The following GALNT13 variants were observed in gnomAD, a reference collection of about 807,000 sequenced individuals.
The protein encoded by GALNT13 is UDP-GalNAc:polypeptide N-acetylgalactosaminyltransferase 13.
Under a neutral mutation model 64.2 loss-of-function variants are expected in GALNT13, and 28 were observed. The observed-to-expected ratio is 0.44, with a 90% CI of 0.32 to 0.60. GALNT13 has a LOEUF of 0.60. Ranked by LOEUF, GALNT13 falls within the 20% of genes least tolerant of loss-of-function variation. The probability of loss-of-function intolerance (pLI) is 0.05; values close to 1 mark genes in which losing one functional copy is unlikely to be tolerated. For synonymous variants in GALNT13, 214 were observed against 224.6 expected, an observed-to-expected ratio of 0.95 and a Z score of 0.42; for missense variants, 577 against 669.8, an observed-to-expected ratio of 0.86 and a Z score of 1.53.
At chr2:153,181,691 A>T in the GALNT13 span, among the ~76,000 whole-genome samples, 116 of 145,880 alleles carry the variant, frequency 8.0e-4, no homozygotes, top group Middle Eastern at 3.6e-3. Flanking sequence ...ATATATTTAT[A>T]TAATTATATT....
intron 8 of GALNT13, among the ~76,000 whole-genome samples, chr2:154,279,574 A>G (rs1691846359): frequency 6.6e-6 from 1 of 152,164 alleles, no homozygotes. Context: ...CTATGGAGCA[A>G]CTTTTAAATT....
At chr2:153,152,141 C>T in the GALNT13 span, among the ~76,000 whole-genome samples, 1 of 151,942 alleles carries the variant, frequency 6.6e-6, no homozygotes, top group Admixed American at 6.6e-5. Context: ...ATTCTGAAGT[C>T]TGTAACATGG....
chr2:154,345,036 T>A (rs1457706301), intron 9 of GALNT13, among the ~76,000 whole-genome samples: 1 of 151,968 alleles, frequency 6.6e-6, no homozygotes, highest in Non-Finnish European at 1.5e-5. Flanking sequence ...TTATCCCTAA[T>A]TAGAAATGCC....
chr2:154,346,933 T>C (rs1696100710), intron 9 of GALNT13, among the ~76,000 whole-genome samples: 2 of 152,098 alleles, frequency 1.3e-5, no homozygotes, highest in South Asian at 4.1e-4. Flanking sequence ...TAAACAACCG[T>C]GGGTTTCATG....
chr2:153,522,034 T>C, the GALNT13 span, among the ~76,000 whole-genome samples: 8 of 152,120 alleles, frequency 5.3e-5, no homozygotes, highest in African/African-American at 1.7e-4. Context: ...GAATATAAAT[T>C]TTCAGCTTCA....
At chr2:153,245,439 G>A in the GALNT13 span, among the ~76,000 whole-genome samples, 1 of 152,316 alleles carries the variant, frequency 6.6e-6, no homozygotes, top group African/African-American at 2.4e-5. Context: ...CTCAGAGGAA[G>A]GATCAGGTAG....
chr2:154,099,699 A>G (rs191329566), intron 3 of GALNT13, among the ~76,000 whole-genome samples: 147 of 152,196 alleles, frequency 9.7e-4, no homozygotes, highest in African/African-American at 3.3e-3. Flanking sequence ...GCACTTTGGG[A>G]AGCCAAAGCA....
At chr2:153,276,498 T>C in the GALNT13 span, among the ~76,000 whole-genome samples, 17 of 152,138 alleles carry the variant, frequency 1.1e-4, no homozygotes, top group Non-Finnish European at 2.4e-4. Flanking sequence ...CCATAAACTA[T>C]ATATTGAATC....
chr2:153,508,867 C>G, the GALNT13 span, among the ~76,000 whole-genome samples: 1 of 152,166 alleles, frequency 6.6e-6, no homozygotes, highest in Non-Finnish European at 1.5e-5. Flanking sequence ...CATCTTCCCC[C>G]CTATAAATCT....
the GALNT13 span, among the ~76,000 whole-genome samples, chr2:153,212,977 T>C: frequency 0.17 from 25,389 of 152,084 alleles, 2,224 homozygotes; most frequent in Non-Finnish European, 0.19. Flanking sequence ...TAGCAAAGAG[T>C]CTTACACATC....
the GALNT13 span, among the ~76,000 whole-genome samples, chr2:153,812,342 AT>A: frequency 6.6e-6 from 1 of 152,126 alleles, no homozygotes; most frequent in Admixed American, 6.5e-5. Context: ...TTATGGAACA[AT>A]TTGTTTTTGT....
the GALNT13 span, among the ~76,000 whole-genome samples, chr2:153,641,061 T>C: frequency 6.6e-6 from 1 of 152,148 alleles, no homozygotes; most frequent in East Asian, 1.9e-4. Flanking sequence ...GTTCAAGCAT[T>C]CTTTGCTGAA....
At chr2:154,241,337 C>T (rs1008932830) in intron 4 of GALNT13, among the ~76,000 whole-genome samples, 1 of 152,146 alleles carries the variant, frequency 6.6e-6, no homozygotes, top group African/African-American at 2.4e-5. Context: ...ACTTCCCTTC[C>T]CTTCTTCCCT....
At chr2:153,095,989 A>G in the GALNT13 span, among the ~76,000 whole-genome samples, 2 of 152,150 alleles carry the variant, frequency 1.3e-5, no homozygotes, top group South Asian at 4.2e-4. Context: ...TAGATATGTA[A>G]CCTGCATGTT....
chr2:153,107,533 A>T, the GALNT13 span, among the ~76,000 whole-genome samples: 1 of 152,164 alleles, frequency 6.6e-6, no homozygotes, highest in Non-Finnish European at 1.5e-5. Flanking sequence ...TATTTCAAGC[A>T]GCAGAAAAGA....
chr2:153,140,756 T>G, the GALNT13 span, among the ~76,000 whole-genome samples: 1 of 152,054 alleles, frequency 6.6e-6, no homozygotes, highest in Non-Finnish European at 1.5e-5. Context: ...TAAGATGCAC[T>G]TCTTCATTTT....
chr2:154,031,407 G>A (rs1245056461), intron 3 of GALNT13, among the ~76,000 whole-genome samples: 1 of 151,912 alleles, frequency 6.6e-6, no homozygotes, highest in Non-Finnish European at 1.5e-5. Flanking sequence ...TAATTTAACA[G>A]TGTTAATAAT....
the GALNT13 span, among the ~76,000 whole-genome samples, chr2:153,534,526 C>CTT: frequency 4.5e-4 from 63 of 138,748 alleles, 4 homozygotes; most frequent in African/African-American, 1.7e-3. Flanking sequence ...TTCTTTCTTT[C>CTT]TTTTTTTTTT....
At chr2:153,194,291 C>CT in the GALNT13 span, among the ~76,000 whole-genome samples, 1 of 151,986 alleles carries the variant, frequency 6.6e-6, no homozygotes, top group South Asian at 2.1e-4. Flanking sequence ...ATTTTTTATG[C>CT]TTTTTTGTCT....
Sources: allele counts gnomAD v4.1 joint callset (sites outside exome capture counted in the v4.1 genomes callset), GRCh38; gene constraint gnomAD v4.1.1; transcripts MANE v1.5; gene names NCBI Gene and HGNC (gene_info 2026-07-23, HGNC 2026-07-21).